The following USH2A variants were observed in gnomAD, a reference collection of about 807,000 sequenced individuals.
The protein encoded by USH2A is usherin.
USH2A carries 443 observed loss-of-function variants against 538.9 expected under a neutral mutation model. The observed-to-expected ratio is 0.82, with a 90% CI of 0.76 to 0.89. The LOEUF (loss-of-function observed/expected upper bound fraction) is 0.89. Ranked by LOEUF, USH2A falls within the 40% of genes least tolerant of loss-of-function variation. USH2A has a pLI of 0.00. For missense variants in USH2A, 6,633 were observed against 6,324.8 expected (o/e 1.05, Z -1.65); for synonymous variants, 2,413 against 2,273.5 (o/e 1.06, Z -1.75).
intron 4 of USH2A, among the ~76,000 whole-genome samples, chr1:216,339,521 T>C (rs2038035265): frequency 1.3e-5 from 2 of 151,744 alleles, no homozygotes; most frequent in African/African-American, 4.8e-5. Flanking sequence ...TGTTTAAACA[T>C]ACTTTGAAAT....
chr1:215,727,721 T>C (rs1332602721), intron 61 of USH2A, among the ~76,000 whole-genome samples: 2 of 142,748 alleles, frequency 1.4e-5, no homozygotes, highest in African/African-American at 5.5e-5. Context: ...TGAGAGCCTG[T>C]CTCAAAAAAA....
At chr1:216,290,343 T>G (rs2036977928) in intron 10 of USH2A, among the ~76,000 whole-genome samples, 1 of 152,204 alleles carries the variant, frequency 6.6e-6, no homozygotes, top group South Asian at 2.1e-4. Flanking sequence ...ATTTCTAGAC[T>G]ATTTCCATTT....
chr1:216,028,489 C>T (rs1028171737), intron 32 of USH2A, among the ~76,000 whole-genome samples: 2 of 151,974 alleles, frequency 1.3e-5, no homozygotes, highest in Non-Finnish European at 2.9e-5. Flanking sequence ...AAGAAAATCT[C>T]AGGAAATATT....
At chr1:216,027,118 C>T (rs996718909) in intron 32 of USH2A, among the ~76,000 whole-genome samples, 3 of 152,116 alleles carry the variant, frequency 2.0e-5, no homozygotes, top group African/African-American at 7.2e-5. Flanking sequence ...AATTGACATT[C>T]TAATCTTCAG....
At chr1:216,221,277 T>G (rs1267080777) in intron 14 of USH2A, among the ~76,000 whole-genome samples, 1 of 152,166 alleles carries the variant, frequency 6.6e-6, no homozygotes, top group Non-Finnish European at 1.5e-5. Flanking sequence ...CTTTAAGAGC[T>G]GGTATCTGTT....
At chr1:216,046,208 G>A (rs2030513696) in intron 32 of USH2A, among the ~76,000 whole-genome samples, 3 of 151,850 alleles carry the variant, frequency 2.0e-5, no homozygotes, top group Non-Finnish European at 2.9e-5. Flanking sequence ...AGATTCCTTA[G>A]AATACCTAAT....
chr1:216,309,744 T>C (rs920758340), intron 9 of USH2A, among the ~76,000 whole-genome samples: 2 of 152,154 alleles, frequency 1.3e-5, no homozygotes, highest in Non-Finnish European at 2.9e-5. Context: ...GTGGAGAGTT[T>C]TGATCATGAA....
intron 21 of USH2A, among the ~76,000 whole-genome samples, chr1:216,171,021 T>C (rs1218044603): frequency 6.6e-6 from 1 of 151,380 alleles, no homozygotes; most frequent in African/African-American, 2.5e-5. Flanking sequence ...TTTTCTGCTT[T>C]TTTTATAACA....
Position 215,639,214 on chromosome 1 carries a change from G to A in USH2A, c.14993C>T (p.Thr4998Met), listed in dbSNP as rs202171991. The change falls in exon 69 of 72, where the codon ACG becomes ATG. Residue 4998 changes from threonine to methionine, a missense_variant. Coordinates refer to ENST00000307340, the MANE Select transcript of USH2A (RefSeq NM_206933.4). ...DKTFFFQVIC[T>M]TDEGSVKTPL... The stretch of plus-strand genomic sequence containing the variant: ...CGTCTTAACACTTCCTTCGTCAGTC[G>A]TGCAGATGACCTGGAAAAAGAAGGC... The A allele has an allele frequency of 6.8e-5, 109 of 1,613,992 alleles. 2 individuals are homozygous for A. The highest frequency in any genetic ancestry group is 1.6e-4 in the South Asian group (15 of 91,082).
chr1:216,212,817 G>T (rs900114168), intron 15 of USH2A, among the ~76,000 whole-genome samples: 1 of 151,764 alleles, frequency 6.6e-6, no homozygotes, highest in African/African-American at 2.4e-5. Context: ...AGGCATCCTT[G>T]ATTCTTACAT....
At chr1:215,836,455 G>GTATATATATTATATATATA (rs1558119626) in intron 47 of USH2A, among the ~76,000 whole-genome samples, 8 of 56,800 alleles carry the variant, frequency 1.4e-4, no homozygotes, top group African/African-American at 4.7e-4. Context: ...ATGTGTGTGT[G>GTATATATATTATATATATA]TATATATATT....
intron 56 of USH2A, among the ~76,000 whole-genome samples, chr1:215,766,396 G>A (rs1661129008): frequency 6.6e-6 from 1 of 151,984 alleles, no homozygotes; most frequent in Non-Finnish European, 1.5e-5. Context: ...TTATATATTA[G>A]ATGCTCCCAA....
At chr1:216,078,000 T>G in intron 27 of USH2A, 89 bp downstream of exon 27, 1 of 1,523,046 alleles carries the variant, frequency 6.6e-7, no homozygotes, top group Non-Finnish European at 9.1e-7. Context: ...TTAGCCTGAG[T>G]CTATTGCTAT....
intron 14 of USH2A, among the ~76,000 whole-genome samples, chr1:216,219,458 A>C (rs2035410506): frequency 6.6e-6 from 1 of 152,088 alleles, no homozygotes; most frequent in Non-Finnish European, 1.5e-5. Context: ...AATTTTAAAC[A>C]CTTCCAAGAC....
At chr1:215,645,923 T>TA (rs967692687) in intron 67 of USH2A, among the ~76,000 whole-genome samples, 92 of 147,532 alleles carry the variant, frequency 6.2e-4, no homozygotes, top group African/African-American at 1.7e-3. Context: ...AATGGGAAAT[T>TA]AAAAAAAAAA....
intron 23 of USH2A, among the ~76,000 whole-genome samples, chr1:216,088,782 A>G (rs1052350908): frequency 1.1e-4 from 16 of 152,184 alleles, no homozygotes; most frequent in African/African-American, 3.4e-4. Context: ...ACTGTAAAAG[A>G]CATAGGTGAC....
At chr1:215,649,755 T>C (rs1457798533) in intron 65 of USH2A, among the ~76,000 whole-genome samples, 1 of 152,172 alleles carries the variant, frequency 6.6e-6, no homozygotes, top group African/African-American at 2.4e-5. Context: ...TAATGCATAG[T>C]GTAATACCAG....
At chr1:216,296,765 A>C (rs12043533) in intron 9 of USH2A, among the ~76,000 whole-genome samples, 3,706 of 152,134 alleles carry the variant, frequency 0.024, 133 homozygotes, top group African/African-American at 0.079. Context: ...ATTGTCAGCT[A>C]TGGGTCTTTA....
intron 38 of USH2A, among the ~76,000 whole-genome samples, chr1:215,911,300 G>T (rs4655434): frequency 0.87 from 131,392 of 151,646 alleles, 57,017 homozygotes; most frequent in African/African-American, 0.91. Flanking sequence ...TAGGTCTTAT[G>T]CATTCATTCT....
Sources: gnomAD v4.1 joint callset for allele counts (sites outside exome capture counted in the v4.1 genomes callset) on GRCh38, gnomAD v4.1.1 for gene constraint, MANE v1.5 for transcripts, NCBI Gene and HGNC (gene_info 2026-07-23, HGNC 2026-07-21) for gene names.